The following PPIG variants were observed in gnomAD, a reference collection of about 807,000 sequenced individuals.
PPIG encodes peptidylprolyl isomerase G.
Under a neutral mutation model 87.9 loss-of-function variants are expected in PPIG, and 26 were observed. That is an observed-to-expected ratio of 0.30 (90% confidence interval 0.22 to 0.41). The LOEUF is 0.41. Ranked by LOEUF, PPIG falls within the 10% of genes least tolerant of loss-of-function variation. The probability of loss-of-function intolerance (pLI) is 1.00; values close to 1 mark genes in which losing one functional copy is unlikely to be tolerated. For synonymous variants in PPIG, 308 were observed against 276.5 expected, an observed-to-expected ratio of 1.11 and a Z score of -1.13; for missense variants, 722 against 879.4, an observed-to-expected ratio of 0.82 and a Z score of 2.26.
intron 9 of PPIG, among the ~76,000 whole-genome samples, chr2:169,629,775 ATTTC>A (rs1419631298): frequency 6.6e-6 from 1 of 152,130 alleles, no homozygotes; most frequent in African/African-American, 2.4e-5. Context: ...TAACACTATA[ATTTC>A]TTTTTCATTT....
chr2:169,597,952 C>T lies in PPIG; in HGVS notation c.-69-5690C>T, dbSNP rs148219396. ...GCCTGGTGTTTCAATCCTTCTGCCT[C>T]AGCCTTCCTAAGTGCTGGGATTATA... On this transcript the variant is annotated intron_variant, in intron 1 of 13. Transcript: ENST00000260970. 2.0e-5 allele frequency among the ~76,000 whole-genome samples: 3 copies of T among 151,130 alleles called. No individual in the cohort carries two copies. The East Asian group carries it at 5.8e-4, about 29-fold the overall frequency.
intron 2 of PPIG, 130 bp downstream of exon 2, chr2:169,603,824 CTT>C: frequency 1.8e-6 from 1 of 565,344 alleles, no homozygotes; most frequent in Non-Finnish European, 3.1e-6. Context: ...ACTTTCAAGT[CTT>C]TTCTAATTGC....
At chr2:169,608,864 C>T (rs1234074844) in intron 7 of PPIG, 106 bp downstream of exon 7, 2 of 647,780 alleles carry the variant, frequency 3.1e-6, no homozygotes, top group Non-Finnish European at 5.4e-6. Flanking sequence ...GGGCGGATCA[C>T]GAGGTCAGGA....
chr2:169,638,809 T>C lies in PPIG; in HGVS notation c.*1286T>C, dbSNP rs1319342555. ...TTGCCATTTTTGTGATGTGTGGCCT[T>C]TTATTCTGTAATCTCTTCTAAATAA... On this transcript the variant is annotated 3_prime_UTR_variant, in exon 14 of 14. Transcript: ENST00000260970. The C allele has an allele frequency of 1.3e-5, 2 of 152,012 alleles. No homozygotes were observed. Among genetic ancestry groups the C allele is most frequent in the Non-Finnish European group, 2.9e-5 (2 of 67,886 alleles). 9.4% of individuals were successfully genotyped at this position (152,012 alleles called of 1,614,324 possible).
In PPIG at chr2:169,608,039, C is replaced by T. The variant is rs547584005; in HGVS notation, c.290-632C>T. Among the ~76,000 whole-genome samples the T allele has an allele frequency of 2.6e-5, 4 of 152,100 alleles. No homozygotes were observed. In the South Asian group the frequency reaches 8.3e-4, roughly 32 times the overall value. ...CACTACTGTGCTCAGCTGTTTCTTG[C>T]TTTTTAAAGATAGTTTCATTTTTTT... On this transcript the variant is annotated intron_variant, in intron 6 of 13. Transcript: ENST00000260970.
At chr2:169,631,663 TTA>T in intron 10 of PPIG, 101 bp from the exon 11 acceptor site, 1 of 1,560,276 alleles carries the variant, frequency 6.4e-7, no homozygotes, top group South Asian at 1.2e-5. Flanking sequence ...GACAGGATGT[TTA>T]TATTATAGTG....
chr2:169,598,843 G>GGTAAATATATT (rs1559176620), intron 1 of PPIG, among the ~76,000 whole-genome samples: 12 of 110,394 alleles, frequency 1.1e-4, no homozygotes, highest in African/African-American at 4.2e-4. Context: ...ATATTTATAT[G>GGTAAATATATT]TATATAAATA....
intron 1 of PPIG, among the ~76,000 whole-genome samples, chr2:169,596,543 G>A (rs562701454): frequency 7.2e-5 from 11 of 152,286 alleles, no homozygotes; most frequent in African/African-American, 2.6e-4. Context: ...GCAGGAAAGC[G>A]GAGAACTTTC....
rs1352803405 is a variant in PPIG, at chr2:169,639,696, AT to A, written c.*2178del. ...TTGAGAGGACAATCAACTAGATTTT[AT>A]TTTTAGAATATAAAGAACATTTTTA... On this transcript the variant is annotated 3_prime_UTR_variant, in exon 14 of 14. Coordinates refer to ENST00000260970, the MANE Select transcript of PPIG (RefSeq NM_004792.3). 2 of 152,138 alleles carry A rather than the reference AT, an allele frequency of 1.3e-5. No individual in the cohort carries two copies. Among genetic ancestry groups the A allele is most frequent in the African/African-American group, 4.8e-5 (2 of 41,456 alleles). 9.4% of individuals were successfully genotyped at this position (152,138 alleles called of 1,614,324 possible). A position where few individuals can be genotyped will look rare whatever the true frequency, so the allele number is the denominator to read the frequency against.
Position 169,630,808 on chromosome 2 carries a change from A to T in PPIG, c.582A>T (p.Ser194=). 2 of 1,608,926 alleles carry T rather than the reference A, an allele frequency of 1.2e-6. No individual in the cohort carries two copies. The highest frequency in any genetic ancestry group is 1.7e-6 in the Non-Finnish European group (2 of 1,178,756). Residue 194 remains serine, a synonymous_variant, in exon 10 of 14, where the codon TCA becomes TCT. Coordinates refer to ENST00000260970, the MANE Select transcript of PPIG (RefSeq NM_004792.3). ...KKEEKKRHKS[S]SSSSSSSSDS... ...AAGAAAAGAAAAGGCATAAATCATCATCATCTTCCTCCTCCTCATCTAGTG... is the reference window on the plus strand; with the variant it reads ...AAGAAAAGAAAAGGCATAAATCATCTTCATCTTCCTCCTCCTCATCTAGTG...
At chr2:169,593,142 A>C (rs537881547) in intron 1 of PPIG, among the ~76,000 whole-genome samples, 17 of 150,992 alleles carry the variant, frequency 1.1e-4, no homozygotes, top group South Asian at 6.2e-4. Flanking sequence ...ATATATATAT[A>C]TCTTAGGAAT....
intron 5 of PPIG, 53 bp downstream of exon 5, chr2:169,606,199 A>G: frequency 3.1e-6 from 4 of 1,273,956 alleles, no homozygotes; most frequent in Middle Eastern, 3.7e-4. Context: ...ACAGATCTCA[A>G]AGTTAGACAA....
intron 7 of PPIG, among the ~76,000 whole-genome samples, chr2:169,610,144 G>T (rs1685447396): frequency 6.6e-6 from 1 of 152,094 alleles, no homozygotes; most frequent in African/African-American, 2.4e-5. Context: ...AGTACCATGT[G>T]GATTATTCTG....
At chr2:169,598,146 A>T (rs1313966817) in intron 1 of PPIG, among the ~76,000 whole-genome samples, 1 of 151,334 alleles carries the variant, frequency 6.6e-6, no homozygotes, top group Admixed American at 6.6e-5. Flanking sequence ...GACTACAGGC[A>T]TGCATCACTA....
chr2:169,635,815 T>G (rs966145384), intron 12 of PPIG, among the ~76,000 whole-genome samples: 2 of 152,216 alleles, frequency 1.3e-5, no homozygotes, highest in Non-Finnish European at 2.9e-5. Flanking sequence ...TTCTTGGAAT[T>G]TGCAACATGA....
rs1686063352 is a variant in PPIG at position 169,631,900 on chromosome 2, G to C, written c.896G>C (p.Arg299Thr). 1.9e-6 allele frequency: 3 copies of C among 1,605,010 alleles called. No homozygotes were observed. In the East Asian group the frequency reaches 6.7e-5, roughly 36 times the overall value. ...CCTCCTAAAGCTGATGAGAAGGAAA[G>C]GAAAAACAGAGAGAGAGAAAGGGAA... ...KSPPKADEKERKNRERERERE... is the reference protein window; with the variant it reads ...KSPPKADEKETKNRERERERE... Residue 299 changes from arginine (R) to threonine (T), a missense_variant, in exon 11 of 14, where the codon AGG (arginine) becomes ACG (threonine). By Grantham distance (71) the Arg-to-Thr change is moderately conservative. Transcript: ENST00000260970.
intron 9 of PPIG, among the ~76,000 whole-genome samples, chr2:169,625,500 C>G (rs1234104438): frequency 6.6e-6 from 1 of 152,100 alleles, no homozygotes; most frequent in African/African-American, 2.4e-5. Flanking sequence ...AACTCTTTCA[C>G]CTTTGCCAGC....
intron 7 of PPIG, among the ~76,000 whole-genome samples, chr2:169,612,835 T>G (rs978938937): frequency 1.4e-4 from 22 of 152,230 alleles, no homozygotes; most frequent in African/African-American, 5.3e-4. Context: ...CTTTTTTTAG[T>G]TCTTTTGAAT....
chr2:169,614,411 C>T, intron 7 of PPIG, 53 bp from the exon 8 acceptor site: 1 of 1,446,896 alleles, frequency 6.9e-7, no homozygotes, highest in East Asian at 2.3e-5. Context: ...GAGATGCTAA[C>T]TTTGTTTTTC....
Sources: allele counts gnomAD v4.1 joint callset (sites outside exome capture counted in the v4.1 genomes callset), GRCh38; gene constraint gnomAD v4.1.1; transcripts MANE v1.5; gene names NCBI Gene and HGNC (gene_info 2026-07-23, HGNC 2026-07-21).